Variants in ARHGAP31 observed in about 807,000 individuals in gnomAD.
ARHGAP31 encodes the protein rho GTPase-activating protein 31.
ARHGAP31 carries 34 observed loss-of-function variants against 113.9 expected under a neutral mutation model. The observed-to-expected ratio is 0.30, with a 90% CI of 0.23 to 0.40. The LOEUF is 0.40. Among genes scored for constraint, ARHGAP31 ranks in the 10% least tolerant of loss-of-function variants. The probability of loss-of-function intolerance (pLI) is 1.00; values close to 1 mark genes in which losing one functional copy is unlikely to be tolerated. For missense variants in ARHGAP31, 1,548 were observed against 1,767.1 expected (o/e 0.88, Z 2.22); for synonymous variants, 650 against 684.8 (o/e 0.95, Z 0.79).
intron 11 of ARHGAP31, 52 bp from the exon 12 acceptor site, chr3:119,413,804 C>A: frequency 6.2e-7 from 1 of 1,613,804 alleles, no homozygotes; most frequent in South Asian, 1.1e-5. Context: ...ACGCTGATGT[C>A]AGCACCCAGA....
chr3:119,350,796 A>T (rs974267740), intron 1 of ARHGAP31, among the ~76,000 whole-genome samples: 2 of 152,234 alleles, frequency 1.3e-5, no homozygotes, highest in Admixed American at 1.3e-4. Flanking sequence ...CTGGGGAACC[A>T]TTAACAGTAC....
At position 119,338,083 on chromosome 3, in the gene ARHGAP31, G is replaced by A. The variant is rs140675616; in HGVS notation, c.101-27233G>A. Reference sequence around the variant, plus strand: ...CGGTGAGTTTTAATAATATGTATGCGAATATATTTAGTATATTAGTACACT... The same window carrying A: ...CGGTGAGTTTTAATAATATGTATGCAAATATATTTAGTATATTAGTACACT... On this transcript the variant is annotated intron_variant, in intron 1 of 11. Coordinates refer to ENST00000264245, the MANE Select transcript of ARHGAP31 (RefSeq NM_020754.4). Among the ~76,000 whole-genome samples, 635 of 152,238 alleles carry A rather than the reference G, an allele frequency of 4.2e-3. 1 individual carries two copies. The highest frequency in any genetic ancestry group is 0.014 in the Middle Eastern group (4 of 294).
At chr3:119,344,737 T>G (rs1577004631) in intron 1 of ARHGAP31, among the ~76,000 whole-genome samples, 1 of 150,994 alleles carries the variant, frequency 6.6e-6, no homozygotes. Context: ...TCTCAGGTGA[T>G]CCTCCCACCT....
chr3:119,316,083 T>A (rs1295255769), intron 1 of ARHGAP31, among the ~76,000 whole-genome samples: 1 of 152,210 alleles, frequency 6.6e-6, no homozygotes, highest in Non-Finnish European at 1.5e-5. Flanking sequence ...AAGCTCTATG[T>A]ACACAGCAGG....
chr3:119,318,690 A>G (rs1382134981), intron 1 of ARHGAP31, among the ~76,000 whole-genome samples: 1 of 152,212 alleles, frequency 6.6e-6, no homozygotes, highest in African/African-American at 2.4e-5. Flanking sequence ...GACAGCTAGA[A>G]CTTTTTTACT....
chr3:119,323,555 A>G (rs956686646), intron 1 of ARHGAP31, among the ~76,000 whole-genome samples: 1 of 152,114 alleles, frequency 6.6e-6, no homozygotes, highest in African/African-American at 2.4e-5. Flanking sequence ...CATGACAGGA[A>G]ACGAAGAGGG....
chr3:119,349,798 C>T (rs2080095358), intron 1 of ARHGAP31, among the ~76,000 whole-genome samples: 1 of 152,212 alleles, frequency 6.6e-6, no homozygotes, highest in African/African-American at 2.4e-5. Flanking sequence ...CTCCTGGAGT[C>T]TGCACTCTTC....
At chr3:119,350,599 A>G (rs1212062461) in intron 1 of ARHGAP31, among the ~76,000 whole-genome samples, 2 of 152,306 alleles carry the variant, frequency 1.3e-5, no homozygotes, top group East Asian at 1.9e-4. Flanking sequence ...CAGTGCAGAG[A>G]GGACCTTCAG....
At chr3:119,392,157 A>T (rs559053297) in intron 7 of ARHGAP31, among the ~76,000 whole-genome samples, 1 of 152,212 alleles carries the variant, frequency 6.6e-6, no homozygotes, top group Non-Finnish European at 1.5e-5. Context: ...GATCATAAAA[A>T]CATCCTGGGT....
chr3:119,396,395 T>C (rs1388623495), intron 8 of ARHGAP31, among the ~76,000 whole-genome samples: 1 of 152,204 alleles, frequency 6.6e-6, no homozygotes, highest in Non-Finnish European at 1.5e-5. Context: ...AATCAGATCT[T>C]CACTAACTGG....
intron 10 of ARHGAP31, among the ~76,000 whole-genome samples, chr3:119,408,543 C>G (rs1028276278): frequency 1.3e-5 from 2 of 152,200 alleles, no homozygotes; most frequent in Admixed American, 1.3e-4. Flanking sequence ...TGCTTTGTCT[C>G]CATTGTCTAC....
At chr3:119,395,787 C>T (rs2080545701) in intron 8 of ARHGAP31, among the ~76,000 whole-genome samples, 3 of 152,152 alleles carry the variant, frequency 2.0e-5, no homozygotes, top group Non-Finnish European at 4.4e-5. Flanking sequence ...GTGCGAAGGG[C>T]AGAAGGGAAA....
intron 1 of ARHGAP31, among the ~76,000 whole-genome samples, chr3:119,327,296 A>C (rs1285097422): frequency 6.6e-6 from 1 of 151,966 alleles, no homozygotes; most frequent in African/African-American, 2.4e-5. Context: ...TAATCCCAGC[A>C]CTCTGGGAGG....
chr3:119,391,008 T>C (rs2080499357), intron 7 of ARHGAP31, 25 bp downstream of exon 7: 2 of 1,610,382 alleles, frequency 1.2e-6, no homozygotes, highest in Non-Finnish European at 1.7e-6. Context: ...TTTAAAAAAT[T>C]CTAGGAGATG....
intron 10 of ARHGAP31, among the ~76,000 whole-genome samples, chr3:119,408,211 G>A (rs1388583174): frequency 1.3e-5 from 2 of 152,132 alleles, no homozygotes; most frequent in Non-Finnish European, 2.9e-5. Context: ...GGAACCAGTC[G>A]CCCCATGGAT....
chr3:119,399,338 AT>A, intron 9 of ARHGAP31, 77 bp downstream of exon 9: 1 of 1,233,848 alleles, frequency 8.1e-7, no homozygotes, highest in Non-Finnish European at 1.2e-6. Context: ...ATAAGCTGTC[AT>A]GCCTGCTTCT....
At chr3:119,348,855 G>A (rs1244081314) in intron 1 of ARHGAP31, among the ~76,000 whole-genome samples, 1 of 152,144 alleles carries the variant, frequency 6.6e-6, no homozygotes, top group East Asian at 1.9e-4. Context: ...TATATCTGGT[G>A]AAAATTACTT....
At chr3:119,315,725 G>T (rs1393908781) in intron 1 of ARHGAP31, among the ~76,000 whole-genome samples, 1 of 152,164 alleles carries the variant, frequency 6.6e-6, no homozygotes, top group Admixed American at 6.5e-5. Context: ...GGTGCAAAAG[G>T]GGAGCTAGCT....
chr3:119,346,783 A>G (rs1158897004), intron 1 of ARHGAP31, among the ~76,000 whole-genome samples: 1 of 152,246 alleles, frequency 6.6e-6, no homozygotes, highest in Non-Finnish European at 1.5e-5. Context: ...TCACTTTTCA[A>G]ATCACTCTGG....
Sources: gnomAD v4.1 joint callset for allele counts (sites outside exome capture counted in the v4.1 genomes callset) on GRCh38, gnomAD v4.1.1 for gene constraint, MANE v1.5 for transcripts, NCBI Gene and HGNC (gene_info 2026-07-23, HGNC 2026-07-21) for gene names.